The following HMBOX1 variants were observed in gnomAD, a reference collection of about 807,000 sequenced individuals.
The protein encoded by HMBOX1 is homeobox-containing protein 1.
A neutral mutation model predicts 54.5 loss-of-function variants in HMBOX1; 14 were observed. That is an observed-to-expected ratio of 0.26 (90% CI 0.17 to 0.40). HMBOX1 has a LOEUF of 0.40. HMBOX1 is among the 10% of genes least tolerant of loss of function. HMBOX1 has a pLI of 1.00. For synonymous variants in HMBOX1, 160 were observed against 181.0 expected (o/e 0.88, Z 0.93); for missense variants, 332 against 514.4 (o/e 0.65, Z 3.43).
chr8:29,038,294 C>T (rs1373391107), intron 6 of HMBOX1, among the ~76,000 whole-genome samples: 3 of 152,132 alleles, frequency 2.0e-5, no homozygotes, highest in Admixed American at 6.5e-5. Context: ...TTTGGTTTCT[C>T]CCTGTGAAGA....
At chr8:29,009,409 CTCTTTGCTT>C in intron 5 of HMBOX1, 2 of 962,456 alleles carry the variant, frequency 2.1e-6, no homozygotes, top group Non-Finnish European at 2.5e-6. Flanking sequence ...CCTAAGACAC[CTCTTTGCTT>C]TCAGGTTATA....
At chr8:28,901,034 G>T (rs1813149121) in intron 1 of HMBOX1, among the ~76,000 whole-genome samples, 2 of 152,010 alleles carry the variant, frequency 1.3e-5, no homozygotes, top group Non-Finnish European at 2.9e-5. Context: ...TCTGTAAACT[G>T]GGCATAGATA....
intron 1 of HMBOX1, among the ~76,000 whole-genome samples, chr8:28,924,183 T>G (rs1440785076): frequency 6.6e-6 from 1 of 151,408 alleles, no homozygotes; most frequent in African/African-American, 2.4e-5. Flanking sequence ...CTTGGCTCAC[T>G]GCAAGCTCCG....
intron 4 of HMBOX1, among the ~76,000 whole-genome samples, chr8:29,003,473 A>AC (rs1464316028): frequency 1.6e-5 from 2 of 124,246 alleles, no homozygotes; most frequent in Admixed American, 1.8e-4. Context: ...GTATGTTTTT[A>AC]AAACAACTGG....
chr8:28,908,616 A>C (rs564391465), intron 1 of HMBOX1, among the ~76,000 whole-genome samples: 18 of 152,234 alleles, frequency 1.2e-4, no homozygotes, highest in Admixed American at 3.9e-4. Context: ...TTAGCCGGGC[A>C]TGGTGGCGCA....
rs1007922698 is a variant in HMBOX1 at position 28,991,343 on chromosome 8, T to C, written c.586+11187T>C. Among the ~76,000 whole-genome samples, 7 of 152,186 alleles carry C rather than the reference T, an allele frequency of 4.6e-5. No individual in the cohort carries two copies. In the South Asian group the frequency reaches 6.2e-4, roughly 14 times the overall value. On this transcript the variant is annotated intron_variant, in intron 4 of 9. Transcript: ENST00000287701. Reference sequence around the variant, plus strand: ...TTACTAACCACAAACCAAATTAAATTAGCTTTAGATACAGCAGTAGCCCTT... The same window carrying C: ...TTACTAACCACAAACCAAATTAAATCAGCTTTAGATACAGCAGTAGCCCTT...
At chr8:29,023,960 C>A (rs1801619697) in intron 6 of HMBOX1, among the ~76,000 whole-genome samples, 3 of 152,026 alleles carry the variant, frequency 2.0e-5, no homozygotes, top group Admixed American at 2.0e-4. Context: ...GAAGTGTAGG[C>A]TGGACTGAGA....
intron 1 of HMBOX1, among the ~76,000 whole-genome samples, chr8:28,942,799 C>A (rs1190547328): frequency 6.6e-6 from 1 of 152,094 alleles, no homozygotes; most frequent in Non-Finnish European, 1.5e-5. Context: ...TTTGGTATTA[C>A]AAATAATACT....
rs544527478 is a variant in HMBOX1 at position 29,009,003 on chromosome 8, C to A, written c.587-69C>A. ...GAATAAAGCACCCAGTAACCTAGAA[C>A]CAAAAGATCCTTTATTAATTTCACT... On this transcript the variant is annotated intron_variant, in intron 4 of 9. Transcript: ENST00000287701. 11 of 1,273,886 alleles carry A rather than the reference C, an allele frequency of 8.6e-6. No homozygotes were observed. In the East Asian group the frequency reaches 2.6e-4, roughly 30 times the overall value. 78.9% of individuals were successfully genotyped at this position (1,273,886 alleles called of 1,614,324 possible).
At chr8:28,908,765 TA>T (rs1006949625) in intron 1 of HMBOX1, among the ~76,000 whole-genome samples, 2 of 150,734 alleles carry the variant, frequency 1.3e-5, no homozygotes, top group South Asian at 2.1e-4. Flanking sequence ...GACTCTGTCT[TA>T]AAAAAAAACC....
chr8:28,955,113 G>A (rs1362916251), intron 1 of HMBOX1, among the ~76,000 whole-genome samples: 1 of 152,060 alleles, frequency 6.6e-6, no homozygotes, highest in Non-Finnish European at 1.5e-5. Context: ...GTTCATTTCT[G>A]ATGGTAGGAA....
intron 6 of HMBOX1, among the ~76,000 whole-genome samples, chr8:29,037,531 G>C (rs575790529): frequency 6.6e-6 from 1 of 152,100 alleles, no homozygotes; most frequent in Admixed American, 6.6e-5. Flanking sequence ...GATAGTAATT[G>C]TTAACATTTG....
At chr8:29,035,852 T>G (rs920773205) in intron 6 of HMBOX1, among the ~76,000 whole-genome samples, 1 of 152,216 alleles carries the variant, frequency 6.6e-6, no homozygotes, top group Non-Finnish European at 1.5e-5. Context: ...TGGTTCGAAT[T>G]TGTCAGTTTT....
chr8:28,975,414 G>T (rs756425606), intron 3 of HMBOX1, among the ~76,000 whole-genome samples: 21 of 152,184 alleles, frequency 1.4e-4, no homozygotes, highest in Non-Finnish European at 2.8e-4. Context: ...CTTAGTAAAA[G>T]GGGATTCAAC....
chr8:28,956,998 G>T (rs997774637), intron 1 of HMBOX1, among the ~76,000 whole-genome samples: 1 of 152,182 alleles, frequency 6.6e-6, no homozygotes, highest in Non-Finnish European at 1.5e-5. Context: ...ACAGACGTTG[G>T]CAAGGCCACT....
chr8:28,980,257 C>G (rs1829117899), intron 4 of HMBOX1, 101 bp downstream of exon 4: 1 of 867,846 alleles, frequency 1.2e-6, no homozygotes, highest in Non-Finnish European at 1.9e-6. Context: ...CAGTGCAGAT[C>G]TGTCAACTTA....
At chr8:28,969,156 A>G (rs772268022) in intron 2 of HMBOX1, among the ~76,000 whole-genome samples, 10 of 152,154 alleles carry the variant, frequency 6.6e-5, no homozygotes, top group Admixed American at 1.3e-4. Context: ...CTGGTTGACA[A>G]GAGCAAAACT....
intron 6 of HMBOX1, among the ~76,000 whole-genome samples, chr8:29,044,631 A>T (rs1805312643): frequency 6.6e-6 from 1 of 152,136 alleles, no homozygotes; most frequent in Non-Finnish European, 1.5e-5. Flanking sequence ...ATCTATGCAA[A>T]CTTACGTACA....
intron 1 of HMBOX1, among the ~76,000 whole-genome samples, chr8:28,949,361 T>C (rs1823007475): frequency 6.6e-6 from 1 of 152,212 alleles, no homozygotes; most frequent in African/African-American, 2.4e-5. Flanking sequence ...CACTGTGATG[T>C]AGATCATAAA....
Sources: allele counts gnomAD v4.1 joint callset (sites outside exome capture counted in the v4.1 genomes callset), GRCh38; gene constraint gnomAD v4.1.1; transcripts MANE v1.5; gene names NCBI Gene and HGNC (gene_info 2026-07-23, HGNC 2026-07-21).